Variants in PDLIM5 observed in about 807,000 individuals in gnomAD.
PDLIM5 encodes PDZ and LIM domain 5.
PDLIM5 carries 34 observed loss-of-function variants against 64.2 expected under a neutral mutation model. The observed-to-expected ratio is 0.53, with a 90% CI of 0.40 to 0.71. The LOEUF is 0.71. Ranked by LOEUF, PDLIM5 falls within the 30% of genes least tolerant of loss-of-function variation. The probability of loss-of-function intolerance (pLI) is 0.00; values close to 1 mark genes in which losing one functional copy is unlikely to be tolerated. For synonymous variants in PDLIM5, 253 were observed against 269.1 expected, an observed-to-expected ratio of 0.94 and a Z score of 0.59; for missense variants, 683 against 733.6, an observed-to-expected ratio of 0.93 and a Z score of 0.80.
chr4:94,477,649 G>A (rs1311178393), intron 2 of PDLIM5, among the ~76,000 whole-genome samples: 1 of 152,104 alleles, frequency 6.6e-6, no homozygotes, highest in Non-Finnish European at 1.5e-5. Flanking sequence ...TTTGGCTTAT[G>A]GTTTTATGTA....
intron 7 of PDLIM5, chr4:94,587,186 T>A: frequency 6.8e-7 from 1 of 1,475,278 alleles, no homozygotes; most frequent in Non-Finnish European, 8.9e-7. Flanking sequence ...TATGAAAAAA[T>A]AGAACTTTTT....
intron 8 of PDLIM5, among the ~76,000 whole-genome samples, chr4:94,634,380 G>T (rs1307756716): frequency 1.3e-5 from 2 of 152,060 alleles, no homozygotes; most frequent in Non-Finnish European, 2.9e-5. Flanking sequence ...CACCAAACTT[G>T]CTCTCCTGCT....
At chr4:94,495,411 T>A (rs2126125863) in intron 2 of PDLIM5, among the ~76,000 whole-genome samples, 1 of 152,348 alleles carries the variant, frequency 6.6e-6, no homozygotes, top group East Asian at 1.9e-4. Flanking sequence ...TTTTAAATTT[T>A]TCTTAAGACT....
At position 94,665,254 on chromosome 4, in the gene PDLIM5, C is replaced by A; in HGVS notation, c.*1187C>A. 1 of 427,526 alleles carries A rather than the reference C, an allele frequency of 2.3e-6. No homozygotes were observed. The highest frequency in any genetic ancestry group is 3.1e-6 in the Non-Finnish European group (1 of 319,738). 26.5% of individuals were successfully genotyped at this position (427,526 alleles called of 1,614,324 possible). On this transcript the variant is annotated 3_prime_UTR_variant, in exon 13 of 13. Coordinates refer to ENST00000317968, the MANE Select transcript of PDLIM5 (RefSeq NM_006457.5). ...ATCCCAGCACTTTGGGAGGCCAAGA[C>A]GGGCGGATCATGAGGTCAAGAGATC...
At chr4:94,469,481 A>C (rs1296576851) in intron 2 of PDLIM5, among the ~76,000 whole-genome samples, 6 of 152,174 alleles carry the variant, frequency 3.9e-5, no homozygotes, top group Non-Finnish European at 8.8e-5. Context: ...AAAGAGCTGA[A>C]TGTGTTTAAG....
chr4:94,457,197 A>C (rs1723455706), intron 2 of PDLIM5: 1 of 969,718 alleles, frequency 1.0e-6, no homozygotes, highest in Non-Finnish European at 1.2e-6. Flanking sequence ...TTACTAACGG[A>C]GTCTCCTTTG....
At chr4:94,597,962 G>GA (rs1443905189) in intron 7 of PDLIM5, among the ~76,000 whole-genome samples, 1 of 152,148 alleles carries the variant, frequency 6.6e-6, no homozygotes, top group Non-Finnish European at 1.5e-5. Flanking sequence ...ATTTTGGATA[G>GA]ATTGGGAGAG....
intron 2 of PDLIM5, among the ~76,000 whole-genome samples, chr4:94,486,798 T>C (rs1436414324): frequency 1.3e-5 from 2 of 152,072 alleles, no homozygotes; most frequent in South Asian, 2.1e-4. Context: ...GGCCAGGAAT[T>C]TGAGACCAGC....
intron 7 of PDLIM5, chr4:94,588,190 T>C (rs1736394780): frequency 1.0e-6 from 1 of 966,640 alleles, no homozygotes; most frequent in Admixed American, 6.2e-5. Flanking sequence ...TATTACAGTA[T>C]AACTGGGTAA....
At chr4:94,527,404 C>T (rs1188575647) in intron 3 of PDLIM5, among the ~76,000 whole-genome samples, 1 of 152,112 alleles carries the variant, frequency 6.6e-6, no homozygotes, top group Non-Finnish European at 1.5e-5. Context: ...TTCCACTTCT[C>T]ACCAACCAGA....
intron 7 of PDLIM5, chr4:94,588,182 T>C (rs1560724169): frequency 1.0e-6 from 1 of 967,684 alleles, no homozygotes; most frequent in Non-Finnish European, 1.2e-6. Context: ...CCAGGACTTA[T>C]TACAGTATAA....
intron 7 of PDLIM5, among the ~76,000 whole-genome samples, chr4:94,614,109 T>A (rs1250471420): frequency 6.6e-6 from 1 of 151,976 alleles, no homozygotes; most frequent in East Asian, 1.9e-4. Context: ...ACTTCAGGCA[T>A]GCACCACCAC....
chr4:94,549,525 C>T (rs1215487699), intron 3 of PDLIM5, among the ~76,000 whole-genome samples: 1 of 152,090 alleles, frequency 6.6e-6, no homozygotes, highest in African/African-American at 2.4e-5. Flanking sequence ...GCTAAATGTT[C>T]ATCAGCAGGA....
intron 2 of PDLIM5, among the ~76,000 whole-genome samples, chr4:94,505,272 T>G (rs560723869): frequency 5.6e-4 from 85 of 152,230 alleles, no homozygotes; most frequent in African/African-American, 1.8e-3. Context: ...CACTTTTTTT[T>G]TTTTTGGAAA....
At chr4:94,569,018 A>G (rs1249568765) in intron 3 of PDLIM5, among the ~76,000 whole-genome samples, 1 of 152,096 alleles carries the variant, frequency 6.6e-6, no homozygotes, top group Non-Finnish European at 1.5e-5. Flanking sequence ...GTGAAATGAC[A>G]TCTTTGTTGA....
chr4:94,462,403 C>A (rs765591070), intron 2 of PDLIM5, among the ~76,000 whole-genome samples: 5 of 152,038 alleles, frequency 3.3e-5, no homozygotes, highest in African/African-American at 4.8e-5. Flanking sequence ...AACCCAACAT[C>A]AGTAAATATA....
chr4:94,546,369 G>T (rs1001299409), intron 3 of PDLIM5, among the ~76,000 whole-genome samples: 1 of 152,002 alleles, frequency 6.6e-6, no homozygotes, highest in Non-Finnish European at 1.5e-5. Context: ...TCTTCCAAGC[G>T]GAATAGTTGC....
chr4:94,517,832 A>G (rs1445155558), intron 2 of PDLIM5, among the ~76,000 whole-genome samples: 2 of 152,198 alleles, frequency 1.3e-5, no homozygotes, highest in Non-Finnish European at 2.9e-5. Context: ...TGTTGCCTGT[A>G]GTACATTATA....
At chr4:94,610,099 T>C (rs1738241930) in intron 7 of PDLIM5, 9 of 906,828 alleles carry the variant, frequency 9.9e-6, no homozygotes, top group Non-Finnish European at 1.5e-5. Context: ...TTGTATTTAT[T>C]ATGCTACCCT....
Sources: gnomAD v4.1 joint callset for allele counts (sites outside exome capture counted in the v4.1 genomes callset) on GRCh38, gnomAD v4.1.1 for gene constraint, MANE v1.5 for transcripts, NCBI Gene and HGNC (gene_info 2026-07-23, HGNC 2026-07-21) for gene names.